Variants in YIPF7 observed in about 807,000 individuals in gnomAD.
YIPF7 encodes Yip1 domain family member 7.
In YIPF7, 35 loss-of-function variants were observed where a neutral mutation model predicts 27.2. That is an observed-to-expected ratio of 1.29 (90% CI 0.98 to 1.70). YIPF7 has a LOEUF of 1.70. YIPF7 is among the 40% of genes most tolerant of loss of function. The pLI, the probability that YIPF7 is intolerant of heterozygous loss-of-function variation, is 0.00. For synonymous variants in YIPF7, 137 were observed against 110.4 expected (o/e 1.24, Z -1.51); for missense variants, 358 against 303.7 (o/e 1.18, Z -1.33).
chr4:44,650,507 GCACA>G lies in YIPF7; in HGVS notation c.-1-410_-1-407del, dbSNP rs3040316. ...GGCGCACACACATGCGCGCGCGCGCGCACACACACACACACACACACACACTTGT... is the reference window on the plus strand; with the variant it reads ...GGCGCACACACATGCGCGCGCGCGCGCACACACACACACACACACACTTGT... On this transcript the variant is annotated intron_variant, in intron 1 of 5. Coordinates refer to ENST00000415895, the MANE Select transcript of YIPF7 (RefSeq NM_182592.3). Among the ~76,000 whole-genome samples the G allele has an allele frequency of 2.8e-3, 388 of 137,178 alleles. 4 individuals are homozygous for G. In the East Asian group the frequency reaches 0.051, roughly 18 times the overall value. The allele number at this position is 137,178 out of a possible 152,430, so 90.0% of individuals were successfully genotyped here.
intron 2 of YIPF7, among the ~76,000 whole-genome samples, chr4:44,659,629 A>C (rs1187143899): frequency 6.6e-6 from 1 of 152,234 alleles, no homozygotes; most frequent in African/African-American, 2.4e-5. Context: ...TACAATAAAA[A>C]TATCTAGTTT....
chr4:44,647,929 A>G (rs1167858659), intron 2 of YIPF7, among the ~76,000 whole-genome samples: 1 of 152,084 alleles, frequency 6.6e-6, no homozygotes, highest in Non-Finnish European at 1.5e-5. Context: ...TCAAAAATTA[A>G]TACATTTGAA....
chr4:44,641,569 C>T (rs980923281), intron 2 of YIPF7, among the ~76,000 whole-genome samples: 1 of 152,178 alleles, frequency 6.6e-6, no homozygotes, highest in Non-Finnish European at 1.5e-5. Context: ...AACTTGGTAA[C>T]TCCTTGTGAT....
intron 5 of YIPF7, 50 bp downstream of exon 5, chr4:44,624,551 C>CT: frequency 6.8e-7 from 1 of 1,477,500 alleles, no homozygotes. Context: ...TGTGGCAAAC[C>CT]TTGGCTATGA....
At chr4:44,649,847 G>T in intron 2 of YIPF7, 138 bp downstream of exon 2, 4 of 553,388 alleles carry the variant, frequency 7.2e-6, no homozygotes, top group Non-Finnish European at 1.3e-5. Flanking sequence ...GATTTTTTTT[G>T]TGGGTCTAGT....
chr4:44,649,097 C>A (rs931886813), intron 2 of YIPF7, among the ~76,000 whole-genome samples: 24 of 152,046 alleles, frequency 1.6e-4, no homozygotes, highest in Non-Finnish European at 3.2e-4. Flanking sequence ...TGAATTTCAT[C>A]GTTATATTTG....
At chr4:44,638,998 A>G (rs917202394) in intron 2 of YIPF7, among the ~76,000 whole-genome samples, 4 of 152,166 alleles carry the variant, frequency 2.6e-5, no homozygotes, top group African/African-American at 7.2e-5. Flanking sequence ...CTAGTTAGCT[A>G]TAAATATGTG....
intron 4 of YIPF7, among the ~76,000 whole-genome samples, chr4:44,626,096 T>C (rs1004419118): frequency 6.6e-6 from 1 of 152,230 alleles, no homozygotes; most frequent in Non-Finnish European, 1.5e-5. Context: ...GTTTACCTAT[T>C]CTGAATTCTT....
At chr4:44,632,099 AT>A (rs1381617803) in intron 3 of YIPF7, among the ~76,000 whole-genome samples, 1 of 152,128 alleles carries the variant, frequency 6.6e-6, no homozygotes, top group Non-Finnish European at 1.5e-5. Context: ...CCATACAAAT[AT>A]TTTCATAATA....
At chr4:44,625,646 T>G (rs1039611500) in intron 4 of YIPF7, among the ~76,000 whole-genome samples, 5 of 152,124 alleles carry the variant, frequency 3.3e-5, no homozygotes, top group African/African-American at 1.2e-4. Context: ...ACTACCAATC[T>G]TCTGAGGAAA....
At chr4:44,630,163 T>C (rs1454539437) in intron 3 of YIPF7, among the ~76,000 whole-genome samples, 2 of 152,126 alleles carry the variant, frequency 1.3e-5, no homozygotes, top group East Asian at 3.9e-4. Context: ...TGGCGAGGTC[T>C]CACTATGTTG....
chr4:44,641,821 G>A (rs370306381), intron 2 of YIPF7, among the ~76,000 whole-genome samples: 11 of 152,156 alleles, frequency 7.2e-5, no homozygotes, highest in African/African-American at 2.7e-4. Context: ...ATTTGAACCT[G>A]CCAGAATGTA....
chr4:44,653,815 G>T (rs758008178), upstream of YIPF7, among the ~76,000 whole-genome samples: 15 of 151,868 alleles, frequency 9.9e-5, no homozygotes, highest in Non-Finnish European at 1.0e-4. Context: ...GAGAACATAG[G>T]TCCTTTTCTA....
At chr4:44,627,505 C>T (rs534921196) in intron 4 of YIPF7, among the ~76,000 whole-genome samples, 3 of 152,236 alleles carry the variant, frequency 2.0e-5, no homozygotes, top group Admixed American at 6.5e-5. Flanking sequence ...CATTTTAATT[C>T]TACATATCCA....
At chr4:44,635,744 T>G (rs1461032375) in intron 3 of YIPF7, among the ~76,000 whole-genome samples, 178 bp downstream of exon 3, 1 of 152,186 alleles carries the variant, frequency 6.6e-6, no homozygotes, top group African/African-American at 2.4e-5. Context: ...ATTTCCCCTA[T>G]GCAAACATGC....
At chr4:44,660,133 A>AAAAAAAAAAAAAAAAAAAAG (rs1249037733) in intron 2 of YIPF7, among the ~76,000 whole-genome samples, 1 of 148,044 alleles carries the variant, frequency 6.8e-6, no homozygotes, top group Non-Finnish European at 1.5e-5. Context: ...AAAAAAAAAA[A>AAAAAAAAAAAAAAAAAAAAG]AAACGAACCT....
chr4:44,651,495 A>G, intron 1 of YIPF7, 59 bp downstream of exon 1: 19 of 1,248,914 alleles, frequency 1.5e-5, no homozygotes, highest in Non-Finnish European at 2.0e-5. Flanking sequence ...CAGTCCTTAC[A>G]TAACCGAGCT....
intron 2 of YIPF7, among the ~76,000 whole-genome samples, chr4:44,657,668 A>C (rs1713937171): frequency 6.6e-6 from 1 of 152,180 alleles, no homozygotes; most frequent in South Asian, 2.1e-4. Flanking sequence ...GTGCACCAGG[A>C]CAGCTCATTC....
intron 3 of YIPF7, among the ~76,000 whole-genome samples, chr4:44,633,795 G>A (rs190299707): frequency 2.6e-5 from 4 of 151,840 alleles, no homozygotes; most frequent in Admixed American, 6.6e-5. Flanking sequence ...AAAAATAAAC[G>A]AGGAAAGAAA....
Sources: allele counts gnomAD v4.1 joint callset (sites outside exome capture counted in the v4.1 genomes callset), GRCh38; gene constraint gnomAD v4.1.1; transcripts MANE v1.5; gene names NCBI Gene and HGNC (gene_info 2026-07-23, HGNC 2026-07-21).